Variants in AXIN1 observed in about 807,000 individuals in gnomAD.
The protein encoded by AXIN1 is axin 1, also known as axin-1.
Under a neutral mutation model 76.4 loss-of-function variants are expected in AXIN1, and 30 were observed. The observed-to-expected ratio is 0.39, with a 90% CI of 0.29 to 0.53. AXIN1 has a LOEUF of 0.53. Ranked by LOEUF, AXIN1 falls within the 20% of genes least tolerant of loss-of-function variation. AXIN1 has a pLI of 0.66. For synonymous variants in AXIN1, 545 were observed against 501.4 expected (o/e 1.09, Z -1.16); for missense variants, 1,140 against 1,198.8 (o/e 0.95, Z 0.72).
chr16:328,120 G>A (rs555245926), intron 2 of AXIN1, among the ~76,000 whole-genome samples: 2 of 152,274 alleles, frequency 1.3e-5, no homozygotes, highest in South Asian at 2.1e-4. Context: ...GGCTGGGCGG[G>A]GTAGCTCACA....
At chr16:336,995 A>T (rs555359506) in intron 2 of AXIN1, among the ~76,000 whole-genome samples, 1 of 150,642 alleles carries the variant, frequency 6.6e-6, no homozygotes. Flanking sequence ...TAAAAACACA[A>T]AAAAATTAGC....
chr16:315,661 A>C (rs1597049692), intron 2 of AXIN1, among the ~76,000 whole-genome samples: 2 of 152,190 alleles, frequency 1.3e-5, no homozygotes, highest in South Asian at 4.2e-4. Context: ...CCCCGTCTCT[A>C]CTAAAAATAC....
chr16:297,357 C>CGCTTGTCCCCCCCCCGCTGTCCCCCGCCA (rs2052740645), intron 6 of AXIN1, 131 bp from the exon 7 acceptor site: 1 of 1,210,448 alleles, frequency 8.3e-7, no homozygotes, highest in Admixed American at 2.0e-5. Flanking sequence ...GTCCCCTGCC[C>CGCTTGTCCCCCCCCCGCTGTCCCCCGCCA]GCTTGTCCCC....
In AXIN1 at chr16:329,939, T is replaced by C. The variant is rs919122138; in HGVS notation, c.879-15256A>G. ...TGAGCCACCGCGCCTGGCCAATTTT[T>C]GTATTTTTAGTAGAGACGGGGTTTC... is the stretch of plus-strand genomic sequence containing the variant. On this transcript the variant is annotated intron_variant, in intron 2 of 10. Transcript: ENST00000262320. Among the ~76,000 whole-genome samples the C allele has an allele frequency of 2.0e-5, 3 of 151,988 alleles. No individual in the cohort carries two copies. The East Asian group carries it at 5.8e-4, about 29-fold the overall frequency.
chr16:294,526 G>A (rs555928167), intron 7 of AXIN1, among the ~76,000 whole-genome samples: 16 of 151,080 alleles, frequency 1.1e-4, no homozygotes, highest in Admixed American at 2.0e-4. Flanking sequence ...AGGCCGAGGC[G>A]GGTGGATCAT....
chr16:290,786 C>T (rs1031865302), intron 9 of AXIN1: 3 of 360,078 alleles, frequency 8.3e-6, no homozygotes, highest in East Asian at 6.9e-5. Context: ...TGCAAGCAGA[C>T]GCACCCCGGG....
rs759433864 is a variant in AXIN1 at position 297,703 on chromosome 16, C to G, written c.1784+19G>C. On this transcript the variant is annotated intron_variant, in intron 6 of 10. Coordinates refer to ENST00000262320, the MANE Select transcript of AXIN1 (RefSeq NM_003502.4). ...AGCCTCACCCCAAGCCCCCTCCTCA[C>G]TGACAGGCGCACGCTCACCTGTGGG... 6.3e-7 allele frequency: 1 copy of G among 1,587,824 alleles called. No homozygotes were observed. Among genetic ancestry groups the G allele is most frequent in the Non-Finnish European group, 8.5e-7 (1 of 1,172,630 alleles).
intron 4 of AXIN1, 36 bp from the exon 5 acceptor site, chr16:304,477 A>G (rs2141547991): frequency 1.2e-6 from 2 of 1,612,342 alleles, no homozygotes; most frequent in Admixed American, 3.3e-5. Context: ...CGGGGGTTGA[A>G]AGGTCACAGG....
chr16:330,698 T>C (rs1392659217), intron 2 of AXIN1, among the ~76,000 whole-genome samples: 1 of 152,228 alleles, frequency 6.6e-6, no homozygotes, highest in Admixed American at 6.5e-5. Context: ...CTTTATGTAA[T>C]GAAGAGTGGT....
chr16:327,596 T>A (rs547269828), intron 2 of AXIN1, among the ~76,000 whole-genome samples: 1 of 152,246 alleles, frequency 6.6e-6, no homozygotes, highest in Non-Finnish European at 1.5e-5. Context: ...TTCTGCAGAC[T>A]GTCCACAGGC....
At position 323,438 on chromosome 16, in the gene AXIN1, CA is replaced by C. The variant is rs57234697; in HGVS notation, c.879-8756del. Among the ~76,000 whole-genome samples, 764 of 77,492 alleles carry C rather than the reference CA, an allele frequency of 9.9e-3. 5 individuals are homozygous for C. Among genetic ancestry groups the C allele is most frequent in the African/African-American group, 0.032 (670 of 21,208 alleles). The allele number at this position is 77,492 out of a possible 152,430, so 50.8% of individuals were successfully genotyped here. A position where few individuals can be genotyped will look rare whatever the true frequency, so the allele number is the denominator to read the frequency against. On this transcript the variant is annotated intron_variant, in intron 2 of 10. Transcript: ENST00000262320. Reference sequence around the variant, plus strand: ...TGGGCGACAGAGCGAGACTCCGTCTCAAAAAAAAAAAAAAAGAAAGAAAAAA... The same window carrying C: ...TGGGCGACAGAGCGAGACTCCGTCTCAAAAAAAAAAAAAAGAAAGAAAAAA...
intron 10 of AXIN1, among the ~76,000 whole-genome samples, chr16:288,608 A>G (rs185118123): frequency 1.1e-3 from 170 of 152,348 alleles, no homozygotes; most frequent in African/African-American, 3.8e-3. Context: ...GCCCTCCCTC[A>G]GCACCACATC....
intron 4 of AXIN1, among the ~76,000 whole-genome samples, chr16:306,992 TGGCTGGGG>T (rs1483939587): frequency 1.3e-5 from 2 of 152,024 alleles, no homozygotes; most frequent in African/African-American, 2.4e-5. Flanking sequence ...GGAGGCTGGG[TGGCTGGGG>T]GGCCATGCTG....
intron 2 of AXIN1, among the ~76,000 whole-genome samples, chr16:319,830 A>C (rs1372270917): frequency 6.6e-6 from 1 of 152,100 alleles, no homozygotes; most frequent in Non-Finnish European, 1.5e-5. Flanking sequence ...TTTTCCTTTT[A>C]ATGAGGCTGT....
At chr16:319,776 T>A (rs2053397892) in intron 2 of AXIN1, among the ~76,000 whole-genome samples, 1 of 152,214 alleles carries the variant, frequency 6.6e-6, no homozygotes, top group Non-Finnish European at 1.5e-5. Context: ...TATATTCTTC[T>A]ACTTGTGTAA....
intron 10 of AXIN1, among the ~76,000 whole-genome samples, chr16:288,687 C>G (rs921622962): frequency 6.6e-6 from 1 of 152,242 alleles, no homozygotes; most frequent in Non-Finnish European, 1.5e-5. Flanking sequence ...CTGCCAGGCT[C>G]TTGGGGTCAG....
At chr16:320,721 GTGTA>G (rs1555482087) in intron 2 of AXIN1, among the ~76,000 whole-genome samples, 71 of 120,136 alleles carry the variant, frequency 5.9e-4, no homozygotes, top group African/African-American at 2.0e-3. Flanking sequence ...ATGCGTGTGT[GTGTA>G]TATATATATA....
chr16:313,515 C>T (rs1490482951), intron 3 of AXIN1, among the ~76,000 whole-genome samples: 2 of 152,204 alleles, frequency 1.3e-5, no homozygotes, highest in East Asian at 1.9e-4. Context: ...TGGTGGTCCG[C>T]GGGCTCCAGC....
At chr16:342,144 T>C (rs2053938031) in intron 2 of AXIN1, among the ~76,000 whole-genome samples, 1 of 152,214 alleles carries the variant, frequency 6.6e-6, no homozygotes, top group African/African-American at 2.4e-5. Context: ...TAAGTCTTGC[T>C]GCTGCTCACT....
Sources: gnomAD v4.1 joint callset for allele counts (sites outside exome capture counted in the v4.1 genomes callset) on GRCh38, gnomAD v4.1.1 for gene constraint, MANE v1.5 for transcripts, NCBI Gene and HGNC (gene_info 2026-07-23, HGNC 2026-07-21) for gene names.